PDXDC1: variants seen among roughly 807,000 people sequenced by gnomAD.
PDXDC1 encodes the protein pyridoxal dependent decarboxylase domain containing 1.
Under a neutral mutation model 100.1 loss-of-function variants are expected in PDXDC1, and 42 were observed. The observed-to-expected ratio is 0.42, with a 90% CI of 0.33 to 0.54. PDXDC1 has a LOEUF of 0.54. PDXDC1 is among the 20% of genes least tolerant of loss of function. The pLI is 0.10. For synonymous variants in PDXDC1, 260 were observed against 371.7 expected, an observed-to-expected ratio of 0.70 and a Z score of 3.46; for missense variants, 636 against 979.2, an observed-to-expected ratio of 0.65 and a Z score of 4.68.
At chr16:14,983,572 C>CAAAAAA (rs56258905) in intron 1 of PDXDC1, among the ~76,000 whole-genome samples, 9 of 88,410 alleles carry the variant, frequency 1.0e-4, no homozygotes, top group African/African-American at 1.7e-4. Flanking sequence ...GACTCCGTCT[C>CAAAAAA]AAAAAAAAAA....
intron 16 of PDXDC1, chr16:15,055,683 CAG>C: frequency 2.7e-6 from 1 of 369,456 alleles, no homozygotes; most frequent in East Asian, 3.8e-5. Context: ...CCTCCCTTGT[CAG>C]AGAGTGGCCT....
At chr16:15,135,535 C>A (rs1030469431) in intron 16 of PDXDC1, 1 of 1,029,286 alleles carries the variant, frequency 9.7e-7, no homozygotes, top group African/African-American at 1.5e-5. Flanking sequence ...CATGCTGGGA[C>A]GGGGCCCACC....
In PDXDC1 at chr16:15,038,130, G is replaced by GTGTT. The variant is rs754607440; in HGVS notation, c.*1857_*1860dup. 19 of 1,610,472 alleles carry GTGTT rather than the reference G, an allele frequency of 1.2e-5. No individual in the cohort carries two copies. The highest frequency in any genetic ancestry group is 6.6e-5 in the South Asian group (6 of 91,006). On this transcript the variant is annotated 3_prime_UTR_variant, in exon 23 of 23. Transcript: ENST00000396410. The stretch of plus-strand genomic sequence containing the variant: ...AAAACAGTGTGTGAGCTGGAGATGG[G>GTGTT]TGTTTTTTTAAAAACATCAAGGTAG...
intron 8 of PDXDC1, chr16:15,015,825 A>G (rs2041752467): frequency 9.3e-6 from 5 of 536,336 alleles, no homozygotes; most frequent in African/African-American, 3.9e-5. Context: ...ACAAACCACA[A>G]TCTTGGTGGG....
intron 16 of PDXDC1, chr16:15,123,519 C>G (rs1157084630): frequency 3.2e-6 from 2 of 621,314 alleles, no homozygotes; most frequent in East Asian, 2.8e-5. Context: ...CGGAAGGTCC[C>G]GATAGTAAAC....
intron 16 of PDXDC1, among the ~76,000 whole-genome samples, chr16:15,062,847 G>A (rs572272283): frequency 5.3e-5 from 8 of 152,340 alleles, no homozygotes; most frequent in Non-Finnish European, 7.3e-5. Context: ...AAGGCAGAAT[G>A]AGTAAGACAC....
In PDXDC1 at chr16:15,047,789, G is replaced by A. The variant is rs114789224; in HGVS notation, c.1399+17733G>A. 1,022 of 1,350,028 alleles carry A rather than the reference G, an allele frequency of 7.6e-4. 10 individuals carry two copies. The African/African-American group carries it at 0.013, about 17-fold the overall frequency. 83.6% of individuals were successfully genotyped at this position (1,350,028 alleles called of 1,614,324 possible). ...CAAGACACCAGGAAACTCAACACGA[G>A]AAATTCAATGGTCCCAAAGGTTGGG... On this transcript the variant is annotated intron_variant, in intron 16 of 16. Transcript: ENST00000535621.
intron 16 of PDXDC1, among the ~76,000 whole-genome samples, chr16:15,124,624 T>A: frequency 6.7e-6 from 1 of 149,104 alleles, no homozygotes; most frequent in Non-Finnish European, 1.5e-5. Context: ...ATACAAAAAT[T>A]AGCCGGGTGC....
chr16:14,975,142 G>A lies in PDXDC1; in HGVS notation c.-58G>A, dbSNP rs1290677876. ...GCTGCCAGCGTGGAAGGAGCTGCGG[G>A]GCGCGGGAGGAGGAAGTAGAGCCCG... On this transcript the variant is annotated 5_prime_UTR_variant, in exon 1 of 23. Coordinates refer to ENST00000396410, the MANE Select transcript of PDXDC1 (RefSeq NM_015027.4). 5 of 1,467,878 alleles carry A rather than the reference G, an allele frequency of 3.4e-6. No individual in the cohort carries two copies. The highest frequency in any genetic ancestry group is 5.3e-5 in the East Asian group (2 of 37,814). The allele number at this position is 1,467,878 out of a possible 1,614,324, so 90.9% of individuals were successfully genotyped here.
chr16:15,072,632 A>G (rs923210931), intron 16 of PDXDC1, among the ~76,000 whole-genome samples: 1 of 151,952 alleles, frequency 6.6e-6, no homozygotes, highest in African/African-American at 2.4e-5. Context: ...GCGAAACCCC[A>G]CCTCTTCTAA....
chr16:15,090,400 T>C (rs149039273), intron 16 of PDXDC1, among the ~76,000 whole-genome samples: 15,338 of 152,250 alleles, frequency 0.1, 933 homozygotes, highest in East Asian at 0.25. Flanking sequence ...TAAGTGCTTC[T>C]TGCATATTAG....
At chr16:14,997,062 G>T (rs1426897110) in intron 1 of PDXDC1, among the ~76,000 whole-genome samples, 1 of 152,194 alleles carries the variant, frequency 6.6e-6, no homozygotes, top group Non-Finnish European at 1.5e-5. Context: ...CATGGGACTT[G>T]TAACTTGTCA....
chr16:15,119,417 G>GA (rs2047359920), intron 16 of PDXDC1, among the ~76,000 whole-genome samples: 1 of 137,876 alleles, frequency 7.3e-6, no homozygotes, highest in Non-Finnish European at 1.5e-5. Flanking sequence ...AATTTTTTTT[G>GA]TTTTTTTTTT....
At position 15,036,445 on chromosome 16, in the gene PDXDC1, G is replaced by T; in HGVS notation, c.*170G>T. The T allele has an allele frequency of 4.8e-6, 3 of 626,138 alleles. No individual in the cohort carries two copies. Among genetic ancestry groups the T allele is most frequent in the South Asian group, 2.1e-5 (1 of 48,556 alleles). 38.8% of individuals were successfully genotyped at this position (626,138 alleles called of 1,614,324 possible). On this transcript the variant is annotated 3_prime_UTR_variant, in exon 23 of 23. Coordinates refer to ENST00000396410, the MANE Select transcript of PDXDC1 (RefSeq NM_015027.4). ...GGTAGGCTTTCTAGGAGGGGAGTCAGCTTGTCTAACTTCATGTACATGTAG... is the reference window on the plus strand; with the variant it reads ...GGTAGGCTTTCTAGGAGGGGAGTCATCTTGTCTAACTTCATGTACATGTAG...
At chr16:15,063,527 T>A (rs935628850) in intron 16 of PDXDC1, among the ~76,000 whole-genome samples, 3 of 151,676 alleles carry the variant, frequency 2.0e-5, no homozygotes, top group Admixed American at 2.0e-4. Flanking sequence ...GCTAACACGG[T>A]GAAACCCCAT....
intron 16 of PDXDC1, chr16:15,061,691 T>C: frequency 1.9e-6 from 3 of 1,560,618 alleles, no homozygotes; most frequent in Admixed American, 3.4e-5. Context: ...GCTGAGGGCA[T>C]GACAAGTGAT....
In PDXDC1 at chr16:14,982,171, T is replaced by C. The variant is rs900509229; in HGVS notation, c.21+6951T>C. Reference sequence around the variant, plus strand: ...ATACTTATAGTTACACCTTATACAGTACTTGGCTAACCCTTTTCAACTAGG... The same window carrying C: ...ATACTTATAGTTACACCTTATACAGCACTTGGCTAACCCTTTTCAACTAGG... On this transcript the variant is annotated intron_variant, in intron 1 of 22. Coordinates refer to ENST00000396410, the MANE Select transcript of PDXDC1 (RefSeq NM_015027.4). 5.2e-5 allele frequency among the ~76,000 whole-genome samples: 8 copies of C among 152,424 alleles called. No homozygotes were observed. In the East Asian group the frequency reaches 9.6e-4, roughly 18 times the overall value.
Position 15,135,710 on chromosome 16 carries a change from T to C in PDXDC1, c.1400-3169T>C, listed in dbSNP as rs1381652531. ...CGGCGTCTGGTCGCCATCCTCCAGGTTGGGGTCGTAGGACTCGCTCCCATC... is the reference window on the plus strand; with the variant it reads ...CGGCGTCTGGTCGCCATCCTCCAGGCTGGGGTCGTAGGACTCGCTCCCATC... On this transcript the variant is annotated intron_variant, in intron 16 of 16. Coordinates refer to the PDXDC1 transcript ENST00000535621. 12 of 1,594,198 alleles carry C rather than the reference T, an allele frequency of 7.5e-6. No individual in the cohort carries two copies. In the East Asian group the frequency reaches 1.8e-4, roughly 24 times the overall value.
chr16:15,056,819 T>C (rs1267069023), intron 16 of PDXDC1, among the ~76,000 whole-genome samples: 1 of 152,002 alleles, frequency 6.6e-6, no homozygotes, highest in African/African-American at 2.4e-5. Context: ...ACTGAGAAAA[T>C]AGATCCTGAA....
Sources: gnomAD v4.1 joint callset for allele counts (sites outside exome capture counted in the v4.1 genomes callset) on GRCh38, gnomAD v4.1.1 for gene constraint, MANE v1.5 for transcripts, NCBI Gene and HGNC (gene_info 2026-07-23, HGNC 2026-07-21) for gene names.